The following NUP98 variants were observed in gnomAD, a reference collection of about 807,000 sequenced individuals.
NUP98 encodes the protein nucleoporin 98 and 96 precursor.
In NUP98, 26 loss-of-function variants were observed where a neutral mutation model predicts 191.9. The ratio of observed to expected loss-of-function variants is 0.14; its 90% CI spans 0.10 to 0.19. NUP98 has a LOEUF of 0.19. Ranked by LOEUF, NUP98 falls within the 10% of genes least tolerant of loss-of-function variation. The probability of loss-of-function intolerance (pLI) is 1.00; values close to 1 mark genes in which losing one functional copy is unlikely to be tolerated. For missense variants in NUP98, 1,941 were observed against 2,178.8 expected (o/e 0.89, Z 2.17); for synonymous variants, 808 against 778.4 (o/e 1.04, Z -0.63).
chr11:3,735,311 T>G lies in NUP98; in HGVS notation c.1422A>C (p.Pro474=). 6.5e-7 allele frequency: 1 copy of G among 1,537,514 alleles called. No homozygotes were observed. The highest frequency in any genetic ancestry group is 8.8e-7 in the Non-Finnish European group (1 of 1,142,216). Residue 474 remains proline (P), a synonymous_variant, in exon 13 of 33, where the codon CCA becomes CCC. Transcript: ENST00000324932. ...APQAPVALTD[P]NASAAQQAVL... ...CAGCCTGCTGGGCAGCAGAAGCATT[T>G]GGATCTGTCAAAGCTTTTAAAAAAA...
chr11:3,714,117 G>A, intron 18 of NUP98, 122 bp from the exon 19 acceptor site: 1 of 1,000,974 alleles, frequency 1.0e-6, no homozygotes, highest in Non-Finnish European at 1.5e-6. Flanking sequence ...GAATTATTCT[G>A]CATGTGTCAT....
intron 22 of NUP98, among the ~76,000 whole-genome samples, chr11:3,703,341 G>A (rs943999117): frequency 6.6e-6 from 1 of 150,744 alleles, no homozygotes; most frequent in African/African-American, 2.4e-5. Flanking sequence ...TCAGCCTCCC[G>A]AGTAGCTGGG....
At chr11:3,714,057 G>A in intron 18 of NUP98, 62 bp from the exon 19 acceptor site, 1 of 1,465,992 alleles carries the variant, frequency 6.8e-7, no homozygotes, top group Non-Finnish European at 9.5e-7. Flanking sequence ...TATAAGACCA[G>A]AAAGCCACCT....
At position 3,699,099 on chromosome 11, in the gene NUP98, G is replaced by C. The variant is rs144357388; in HGVS notation, c.3992C>G (p.Ser1331Cys). Residue 1331 changes from serine to cysteine, a missense_variant, in exon 25 of 33, where the codon TCT becomes TGT. By Grantham distance (112) the Ser-to-Cys change is moderately radical. Coordinates refer to ENST00000324932, the MANE Select transcript of NUP98 (RefSeq NM_016320.5). ...TTCCCCACCTGACTGCTGGGCCAGA[G>C]AGCAGGCCTCACTGATCCTTTTGCC... The part of the protein sequence containing the change: ...LTGKRISEAC[S>C]LAQQSGDHRL... 1.2e-6 allele frequency: 2 copies of C among 1,612,774 alleles called. No individual in the cohort carries two copies. Among genetic ancestry groups the C allele is most frequent in the Non-Finnish European group, 8.5e-7 (1 of 1,180,018 alleles).
intron 9 of NUP98, among the ~76,000 whole-genome samples, chr11:3,761,764 A>AACAAAACAAAACAAAAC (rs2081179449): frequency 6.6e-6 from 1 of 151,798 alleles, no homozygotes; most frequent in South Asian, 2.1e-4. Flanking sequence ...GTCTCAAAAA[A>AACAAAACAAAACAAAAC]ACAAAACAAA....
rs371631294 is a variant in NUP98, at chr11:3,751,896, G to A, written c.1267+1420C>T. Among the ~76,000 whole-genome samples, 10 of 151,970 alleles carry A rather than the reference G, an allele frequency of 6.6e-5. No individual in the cohort carries two copies. In the East Asian group the frequency reaches 1.4e-3, roughly 21 times the overall value. On this transcript the variant is annotated intron_variant, in intron 11 of 32. Transcript: ENST00000324932. Reference sequence around the variant, plus strand: ...CTTTTATCTTAAAAAGAAGACTGAAGGCTGGGCGCGGTGGCTCATGTCTGT... The same window carrying A: ...CTTTTATCTTAAAAAGAAGACTGAAAGCTGGGCGCGGTGGCTCATGTCTGT...
At chr11:3,769,652 A>G (rs1273853233) in intron 7 of NUP98, among the ~76,000 whole-genome samples, 1 of 151,612 alleles carries the variant, frequency 6.6e-6, no homozygotes, top group African/African-American at 2.4e-5. Flanking sequence ...TAGGCTGGAC[A>G]TGGTGGTTCA....
At chr11:3,740,301 A>G (rs773169123) in intron 12 of NUP98, among the ~76,000 whole-genome samples, 2 of 152,144 alleles carry the variant, frequency 1.3e-5, no homozygotes. Flanking sequence ...GCTTGAGGTC[A>G]GGAGTTCGTG....
chr11:3,724,029 T>C (rs2079514309), intron 15 of NUP98, among the ~76,000 whole-genome samples: 1 of 151,650 alleles, frequency 6.6e-6, no homozygotes, highest in South Asian at 2.1e-4. Context: ...AAGACAAATA[T>C]ATTCATACAG....
chr11:3,787,179 A>G (rs2082170252), intron 1 of NUP98, among the ~76,000 whole-genome samples: 3 of 152,346 alleles, frequency 2.0e-5, no homozygotes, highest in African/African-American at 7.2e-5. Flanking sequence ...TCATTAGCCT[A>G]GTGTAACCTA....
intron 25 of NUP98, among the ~76,000 whole-genome samples, chr11:3,695,887 T>C (rs2078488893): frequency 1.3e-5 from 2 of 152,066 alleles, no homozygotes; most frequent in Non-Finnish European, 2.9e-5. Flanking sequence ...GCAAGACACC[T>C]CAGCTACAAA....
chr11:3,683,510 G>A (rs1265065406), intron 29 of NUP98, 69 bp from the exon 30 acceptor site: 4 of 1,562,220 alleles, frequency 2.6e-6, no homozygotes, highest in East Asian at 4.5e-5. Context: ...AGGCAGCTTA[G>A]AGTGGCCCTT....
chr11:3,739,301 G>A (rs184474125), intron 12 of NUP98, among the ~76,000 whole-genome samples: 47 of 152,210 alleles, frequency 3.1e-4, no homozygotes, highest in African/African-American at 1.1e-3. Flanking sequence ...TCAGGCTGGA[G>A]CGCAGTAGCG....
chr11:3,712,516 C>G, intron 20 of NUP98, 48 bp downstream of exon 20: 1 of 1,605,894 alleles, frequency 6.2e-7, no homozygotes, highest in Non-Finnish European at 8.5e-7. Context: ...TTGCTTTCAA[C>G]TTCGGTATCA....
intron 13 of NUP98, among the ~76,000 whole-genome samples, chr11:3,734,913 TG>T (rs916059979): frequency 7.2e-5 from 11 of 152,164 alleles, no homozygotes; most frequent in African/African-American, 2.7e-4. Flanking sequence ...TAAAAAAAGT[TG>T]TTTTAATTAA....
intron 12 of NUP98, among the ~76,000 whole-genome samples, chr11:3,741,064 C>T (rs975799734): frequency 2.0e-5 from 3 of 151,356 alleles, no homozygotes; most frequent in Non-Finnish European, 2.9e-5. Context: ...TCAAGCAATC[C>T]GCCTGCCTCA....
chr11:3,710,959 G>A (rs961963955), intron 20 of NUP98, among the ~76,000 whole-genome samples: 3 of 151,154 alleles, frequency 2.0e-5, no homozygotes, highest in African/African-American at 7.3e-5. Flanking sequence ...CCCATTTTAG[G>A]CTAGCCATGG....
chr11:3,679,466 A>C (rs1275941918), intron 31 of NUP98, 88 bp downstream of exon 31: 1 of 1,427,750 alleles, frequency 7.0e-7, no homozygotes, highest in African/African-American at 1.5e-5. Flanking sequence ...GTGCATTCTC[A>C]AGTGTATACT....
In NUP98 at chr11:3,678,010, T is replaced by C. The variant is rs536804086; in HGVS notation, c.5074-1390A>G. 2.6e-3 allele frequency among the ~76,000 whole-genome samples: 394 copies of C among 152,078 alleles called. 3 individuals carry two copies. The highest frequency in any genetic ancestry group is 8.7e-3 in the African/African-American group (360 of 41,484). ...CACACACACACAAAGCTGGGTGTGG[T>C]GGCACACGCCTGTAATCCCAGCTAC... On this transcript the variant is annotated intron_variant, in intron 31 of 32. Coordinates refer to ENST00000324932, the MANE Select transcript of NUP98 (RefSeq NM_016320.5).
Sources: gnomAD v4.1 joint callset for allele counts (sites outside exome capture counted in the v4.1 genomes callset) on GRCh38, gnomAD v4.1.1 for gene constraint, MANE v1.5 for transcripts, NCBI Gene and HGNC (gene_info 2026-07-23, HGNC 2026-07-21) for gene names.